The following LRRC49 variants were observed in gnomAD, a reference collection of about 807,000 sequenced individuals.
The protein encoded by LRRC49 is leucine-rich repeat-containing protein 49.
Under a neutral mutation model 83.3 loss-of-function variants are expected in LRRC49, and 50 were observed. The observed-to-expected ratio is 0.60, with a 90% CI of 0.48 to 0.76. LRRC49 has a LOEUF of 0.76. LRRC49 is among the 30% of genes least tolerant of loss of function. LRRC49 has a pLI of 0.00. For missense variants in LRRC49, 704 were observed against 809.1 expected (o/e 0.87, Z 1.58); for synonymous variants, 286 against 283.3 (o/e 1.01, Z -0.10).
At chr15:70,911,621 C>G in intron 6 of LRRC49, 23 bp downstream of exon 6, 2 of 1,439,576 alleles carry the variant, frequency 1.4e-6, no homozygotes, top group Non-Finnish European at 1.9e-6. Flanking sequence ...CCTTTCATTT[C>G]TTTCTTTTTT....
intron 5 of LRRC49, among the ~76,000 whole-genome samples, chr15:70,906,380 C>G (rs1402482611): frequency 6.6e-6 from 1 of 152,186 alleles, no homozygotes; most frequent in Non-Finnish European, 1.5e-5. Flanking sequence ...CAGGCGTGAG[C>G]CACCGCGCCC....
intron 7 of LRRC49, among the ~76,000 whole-genome samples, chr15:70,936,066 C>T (rs1293101082): frequency 4.6e-5 from 7 of 151,768 alleles, no homozygotes; most frequent in Admixed American, 4.6e-4. Context: ...TAATTTGGTC[C>T]TAAGCAATTC....
rs2033396867 is a variant in LRRC49, at chr15:70,885,984, C to G, written c.19-7600C>G. Among the ~76,000 whole-genome samples the G allele has an allele frequency of 2.6e-5, 4 of 152,142 alleles. No individual in the cohort carries two copies. The South Asian group carries it at 8.3e-4, about 31-fold the overall frequency. On this transcript the variant is annotated intron_variant, in intron 2 of 16. Coordinates refer to the LRRC49 transcript ENST00000544974. ...ATTAAGTCCATATATTGCATTTTCT[C>G]TGGCAGTAGTGTAATTGACCTAGAA...
At chr15:70,973,541 C>T in intron 9 of LRRC49, among the ~76,000 whole-genome samples, 1 of 152,186 alleles carries the variant, frequency 6.6e-6, no homozygotes, top group African/African-American at 2.4e-5. Flanking sequence ...CTCTTCAGAG[C>T]TGGCAGGCAG....
chr15:70,952,182 T>C (rs556109501), intron 8 of LRRC49, among the ~76,000 whole-genome samples: 1 of 152,068 alleles, frequency 6.6e-6, no homozygotes, highest in Non-Finnish European at 1.5e-5. Context: ...TGAGGATTTT[T>C]ACATCTGTGT....
intron 14 of LRRC49, among the ~76,000 whole-genome samples, chr15:71,017,540 A>G (rs888995743): frequency 2.0e-5 from 3 of 151,676 alleles, no homozygotes; most frequent in East Asian, 1.9e-4. Flanking sequence ...GAGATAATAG[A>G]AAAAAAAAGG....
intron 11 of LRRC49, among the ~76,000 whole-genome samples, chr15:71,002,673 A>G (rs1367114864): frequency 6.6e-6 from 1 of 152,182 alleles, no homozygotes; most frequent in Admixed American, 6.5e-5. Context: ...AAATTCATAA[A>G]ATAAATTATT....
chr15:70,861,589 T>C (rs1489432428), intron 1 of LRRC49, among the ~76,000 whole-genome samples: 6 of 152,044 alleles, frequency 3.9e-5, no homozygotes, highest in Non-Finnish European at 7.4e-5. Flanking sequence ...CATCCCCAGT[T>C]TGGGTCCCAC....
chr15:71,030,237 T>C (rs914983546), intron 14 of LRRC49, among the ~76,000 whole-genome samples: 8 of 152,144 alleles, frequency 5.3e-5, no homozygotes, highest in African/African-American at 1.7e-4. Flanking sequence ...TCCCTTAGCA[T>C]TTGCTTGTCT....
chr15:70,894,929 A>G (rs1285469068), intron 2 of LRRC49, among the ~76,000 whole-genome samples: 4 of 152,228 alleles, frequency 2.6e-5, no homozygotes, highest in Admixed American at 6.5e-5. Context: ...ATAATTGAGC[A>G]TAATGGATTC....
Position 71,023,789 on chromosome 15 carries a change from G to A in LRRC49, c.1703+10876G>A, listed in dbSNP as rs139324177. On this transcript the variant is annotated intron_variant, in intron 14 of 15. Coordinates refer to ENST00000260382, the MANE Select transcript of LRRC49 (RefSeq NM_017691.5). ...CTGTGCAGATTCTCAGTGACCACTC[G>A]GCTGGAGACTGCCTAAGACTACTGA... Among the ~76,000 whole-genome samples, 19 of 152,278 alleles carry A rather than the reference G, an allele frequency of 1.2e-4. No homozygotes were observed. In the East Asian group the frequency reaches 1.5e-3, roughly 12 times the overall value.
At chr15:70,983,516 A>T (rs934522205) in intron 10 of LRRC49, among the ~76,000 whole-genome samples, 8 of 152,158 alleles carry the variant, frequency 5.3e-5, no homozygotes, top group Non-Finnish European at 1.0e-4. Context: ...GGTACTAGTT[A>T]TCTAGAGACA....
chr15:71,020,751 A>C (rs562204369), intron 14 of LRRC49, among the ~76,000 whole-genome samples: 1 of 152,256 alleles, frequency 6.6e-6, no homozygotes, highest in Non-Finnish European at 1.5e-5. Context: ...AAATAAAGAC[A>C]TTTGAAACAA....
chr15:71,048,039 G>T (rs1481173879), intron 15 of LRRC49, among the ~76,000 whole-genome samples: 1 of 150,236 alleles, frequency 6.7e-6, no homozygotes, highest in Non-Finnish European at 1.5e-5. Flanking sequence ...GCCTCCCAAA[G>T]TGCTGGGATT....
intron 9 of LRRC49, among the ~76,000 whole-genome samples, chr15:70,969,737 G>A (rs1473060484): frequency 6.6e-6 from 1 of 152,072 alleles, no homozygotes; most frequent in East Asian, 1.9e-4. Flanking sequence ...TCTTCTGTTT[G>A]TAGCAATTGT....
chr15:70,943,385 T>G (rs1368070399), intron 8 of LRRC49, among the ~76,000 whole-genome samples: 1 of 152,094 alleles, frequency 6.6e-6, no homozygotes, highest in East Asian at 1.9e-4. Flanking sequence ...TTAAAAAGCT[T>G]TAGGGCAGGA....
chr15:71,048,724 C>A (rs1462920668), intron 15 of LRRC49: 1 of 444,788 alleles, frequency 2.2e-6, no homozygotes, highest in Non-Finnish European at 4.5e-6. Flanking sequence ...GCACAATATT[C>A]AAATATCCTC....
Position 70,900,676 on chromosome 15 carries a change from T to C in LRRC49, c.194-246T>C, listed in dbSNP as rs1170304703. 8.5e-6 allele frequency: 4 copies of C among 472,602 alleles called. No individual in the cohort carries two copies. In the Admixed American group the frequency reaches 8.6e-5, roughly 10 times the overall value. The allele number at this position is 472,602 out of a possible 1,614,324, so 29.3% of individuals were successfully genotyped here. On this transcript the variant is annotated intron_variant, in intron 3 of 15. Coordinates refer to ENST00000260382, the MANE Select transcript of LRRC49 (RefSeq NM_017691.5). ...GATGAAGATAGCACTGGACTAGTTC[T>C]GTACTTTCAACCAATCTGTAAGGCA...
At chr15:70,909,839 A>AACAC (rs146189261) in intron 5 of LRRC49, among the ~76,000 whole-genome samples, 46,656 of 135,934 alleles carry the variant, frequency 0.34, 7,846 homozygotes, top group African/African-American at 0.38. Flanking sequence ...CTCCATCTCA[A>AACAC]ACACACACAC....
Sources: gnomAD v4.1 joint callset for allele counts (sites outside exome capture counted in the v4.1 genomes callset) on GRCh38, gnomAD v4.1.1 for gene constraint, MANE v1.5 for transcripts, NCBI Gene and HGNC (gene_info 2026-07-23, HGNC 2026-07-21) for gene names.